Variants in SLC36A1 observed in about 807,000 individuals in gnomAD.
SLC36A1 encodes the protein solute carrier family 36 member 1.
SLC36A1 carries 30 observed loss-of-function variants against 47.5 expected under a neutral mutation model. The ratio of observed to expected loss-of-function variants is 0.63; its 90% CI spans 0.47 to 0.86. The LOEUF is 0.86. Ranked by LOEUF, SLC36A1 falls within the 40% of genes least tolerant of loss-of-function variation. The pLI is 0.00. For synonymous variants in SLC36A1, 255 were observed against 249.7 expected, an observed-to-expected ratio of 1.02 and a Z score of -0.20; for missense variants, 517 against 606.0, an observed-to-expected ratio of 0.85 and a Z score of 1.54.
At chr5:151,554,404 T>C in the SLC36A1 span, 1 of 1,614,188 alleles carries the variant, frequency 6.2e-7, no homozygotes, top group Non-Finnish European at 8.5e-7. Context: ...TGCTGCTGGA[T>C]GAAACCACAC....
At chr5:151,537,704 T>C in the SLC36A1 span, 1 of 1,333,522 alleles carries the variant, frequency 7.5e-7, no homozygotes, top group Non-Finnish European at 1.0e-6. Flanking sequence ...TGAATTCCTG[T>C]TTCTTCTCCA....
chr5:151,363,913 T>G, the SLC36A1 span, among the ~76,000 whole-genome samples: 1 of 152,196 alleles, frequency 6.6e-6, no homozygotes, highest in Admixed American at 6.5e-5. Flanking sequence ...TAGTGTCACA[T>G]GGTATTATAA....
At chr5:151,372,636 C>T in the SLC36A1 span, among the ~76,000 whole-genome samples, 14 of 151,930 alleles carry the variant, frequency 9.2e-5, no homozygotes, top group South Asian at 2.1e-4. Context: ...TTTTTAGAGA[C>T]GGGGTCCTGC....
At chr5:151,377,580 C>T in the SLC36A1 span, among the ~76,000 whole-genome samples, 3 of 151,752 alleles carry the variant, frequency 2.0e-5, no homozygotes, top group Non-Finnish European at 2.9e-5. Context: ...ATCTCCTGAC[C>T]TCGTGATCCG....
At chr5:151,507,081 A>G in the SLC36A1 span, 1 of 1,346,168 alleles carries the variant, frequency 7.4e-7, no homozygotes, top group Non-Finnish European at 1.0e-6. Context: ...CCTGTGCCTC[A>G]GATAACGGAG....
the SLC36A1 span, chr5:151,521,363 C>T: frequency 6.2e-7 from 1 of 1,614,196 alleles, no homozygotes; most frequent in Non-Finnish European, 8.5e-7. Context: ...ACCTTGGGGT[C>T]CAGATGCACT....
chr5:151,527,301 A>G, the SLC36A1 span: 1 of 1,613,660 alleles, frequency 6.2e-7, no homozygotes. Flanking sequence ...AGCCACTTGG[A>G]TAGCGATGTC....
rs1354262892 is a variant in SLC36A1, at chr5:151,467,744, A to G, written c.542A>G (p.His181Arg). The G allele has an allele frequency of 1.9e-6, 3 of 1,614,040 alleles. No individual in the cohort carries two copies. Among genetic ancestry groups the G allele is most frequent in the East Asian group, 2.2e-5 (1 of 44,856 alleles). Reference protein sequence around the residue: ...EAANGTTNNCHNNETVILTPT... With the variant: ...EAANGTTNNCRNNETVILTPT... ...GCCAATGGGACCACCAATAACTGCC[A>G]CAACAATGAGACGGTGATTCTGACG... The change falls in exon 7 of 11, where the codon CAC becomes CGC. Residue 181 changes from histidine (H) to arginine (R), a missense_variant. By Grantham distance (29) the His-to-Arg change is conservative. Coordinates refer to ENST00000243389, the MANE Select transcript of SLC36A1 (RefSeq NM_078483.4).
the SLC36A1 span, among the ~76,000 whole-genome samples, chr5:151,539,313 T>C: frequency 6.6e-6 from 1 of 152,206 alleles, no homozygotes; most frequent in Non-Finnish European, 1.5e-5. Flanking sequence ...GATATATGTA[T>C]TTATGTGTGT....
At chr5:151,440,166 A>G (rs1561711868) in intron 1 of SLC36A1, among the ~76,000 whole-genome samples, 2 of 152,148 alleles carry the variant, frequency 1.3e-5, no homozygotes, top group Non-Finnish European at 2.9e-5. Context: ...CATGCTTTAC[A>G]GTGTAGCAGG....
the SLC36A1 span, chr5:151,540,883 T>TTA: frequency 1.1e-6 from 1 of 888,838 alleles, no homozygotes; most frequent in Non-Finnish European, 1.6e-6. Context: ...AACATTTCCT[T>TTA]CCTTAACTAG....
the SLC36A1 span, chr5:151,527,131 C>A: frequency 8.2e-7 from 1 of 1,225,594 alleles, no homozygotes; most frequent in South Asian, 1.5e-5. Flanking sequence ...GTGGCAAAGT[C>A]ACAGTCATTG....
chr5:151,416,041 G>A, the SLC36A1 span, among the ~76,000 whole-genome samples: 5 of 152,240 alleles, frequency 3.3e-5, no homozygotes, highest in African/African-American at 1.2e-4. Flanking sequence ...AGGAGGCGGA[G>A]GTTGCAGTGA....
chr5:151,519,172 C>T, the SLC36A1 span, among the ~76,000 whole-genome samples: 74 of 152,236 alleles, frequency 4.9e-4, no homozygotes, highest in South Asian at 0.013. Flanking sequence ...GGTGAAACCC[C>T]GTCTCTACTA....
At chr5:151,535,515 G>A in the SLC36A1 span, among the ~76,000 whole-genome samples, 31 of 152,180 alleles carry the variant, frequency 2.0e-4, 1 homozygote, top group South Asian at 6.4e-3. Context: ...TGCGCCCAGG[G>A]AGGACATGGG....
At chr5:151,428,204 T>C in the SLC36A1 span, among the ~76,000 whole-genome samples, 1 of 152,282 alleles carries the variant, frequency 6.6e-6, no homozygotes, top group South Asian at 2.1e-4. Context: ...ATTTCTGATA[T>C]TTTTCTGCCT....
the SLC36A1 span, chr5:151,540,442 C>A: frequency 1.7e-6 from 1 of 605,636 alleles, no homozygotes; most frequent in Non-Finnish European, 2.9e-6. Context: ...CCTTCTCCTG[C>A]CCCTCACTCT....
the SLC36A1 span, among the ~76,000 whole-genome samples, chr5:151,362,967 A>G: frequency 9.9e-5 from 15 of 152,164 alleles, no homozygotes; most frequent in African/African-American, 3.4e-4. Flanking sequence ...TGGGGAAGTC[A>G]TGGTTCCCGT....
At chr5:151,361,462 A>G in the SLC36A1 span, among the ~76,000 whole-genome samples, 2 of 152,210 alleles carry the variant, frequency 1.3e-5, no homozygotes, top group Admixed American at 6.5e-5. Context: ...CAGATATAAG[A>G]TATTTTAGAG....
Sources: gnomAD v4.1 joint callset for allele counts (sites outside exome capture counted in the v4.1 genomes callset) on GRCh38, gnomAD v4.1.1 for gene constraint, MANE v1.5 for transcripts, NCBI Gene and HGNC (gene_info 2026-07-23, HGNC 2026-07-21) for gene names.